Variants in XXYLT1 observed in about 807,000 individuals in gnomAD.
XXYLT1 encodes xyloside xylosyltransferase 1.
Under a neutral mutation model 28.9 loss-of-function variants are expected in XXYLT1, and 20 were observed. The ratio of observed to expected loss-of-function variants is 0.69; its 90% CI spans 0.49 to 1.00. XXYLT1 has a LOEUF of 1.00. Among genes scored for constraint, XXYLT1 ranks in the 50% least tolerant of loss-of-function variants. The pLI is 0.00. For synonymous variants in XXYLT1, 257 were observed against 253.8 expected (o/e 1.01, Z -0.12); for missense variants, 542 against 560.1 (o/e 0.97, Z 0.33).
Position 195,270,864 on chromosome 3 carries a change from C to A in XXYLT1, c.195G>T (p.Ala65=), listed in dbSNP as rs1261628711. The A allele has an allele frequency of 4.3e-6, 6 of 1,402,166 alleles. No homozygotes were observed. The East Asian group carries it at 1.9e-4, about 43-fold the overall frequency. 86.9% of individuals were successfully genotyped at this position (1,402,166 alleles called of 1,614,324 possible). The change falls in exon 1 of 4, where the codon GCG becomes GCT. Residue 65 remains alanine, a synonymous_variant. Coordinates refer to ENST00000310380, the MANE Select transcript of XXYLT1 (RefSeq NM_152531.5). The part of the protein sequence containing the change: ...LKEARAGAPA[A]PSPPALELAR... Reference sequence around the variant, plus strand: ...CTAGCTCCAGCGCGGGCGGCGAGGGCGCGGCGGGAGCCCCGGCGCGGGCCT... The same window carrying A: ...CTAGCTCCAGCGCGGGCGGCGAGGGAGCGGCGGGAGCCCCGGCGCGGGCCT...
chr3:195,070,116 GGA>G lies in XXYLT1; in HGVS notation c.786-7_786-6del, dbSNP rs771616531. ...CGGAACTGCCAGAATGTGTGCCTGT[GGA>G]GAGAGAGGACAGAGTTAGTCCGGTG... On this transcript the variant is annotated splice_polypyrimidine_tract_variant and splice_region_variant and intron_variant, in intron 3 of 3. Coordinates refer to ENST00000310380, the MANE Select transcript of XXYLT1 (RefSeq NM_152531.5). 1.9e-6 allele frequency: 3 copies of G among 1,549,946 alleles called. No individual in the cohort carries two copies. The highest frequency in any genetic ancestry group is 2.6e-6 in the Non-Finnish European group (3 of 1,155,478).
intron 1 of XXYLT1, among the ~76,000 whole-genome samples, chr3:195,227,641 T>C (rs1724114777): frequency 6.6e-6 from 1 of 152,072 alleles, no homozygotes; most frequent in African/African-American, 2.4e-5. Flanking sequence ...TATTATAGCC[T>C]CCAAATTACA....
chr3:195,161,563 T>C (rs1720871130), intron 2 of XXYLT1, among the ~76,000 whole-genome samples: 1 of 152,080 alleles, frequency 6.6e-6, no homozygotes, highest in African/African-American at 2.4e-5. Context: ...GAGAAACTTC[T>C]GGAAGAAAGG....
At chr3:195,212,107 G>A (rs1049322898) in intron 2 of XXYLT1, among the ~76,000 whole-genome samples, 1 of 132,300 alleles carries the variant, frequency 7.6e-6, no homozygotes, top group Non-Finnish European at 1.6e-5. Flanking sequence ...AGATCTGGAG[G>A]AGGAGAGGGG....
At chr3:195,137,007 C>T (rs1719233441) in intron 3 of XXYLT1, among the ~76,000 whole-genome samples, 1 of 152,152 alleles carries the variant, frequency 6.6e-6, no homozygotes, top group Non-Finnish European at 1.5e-5. Flanking sequence ...GATTACACTG[C>T]AACTCGTTCG....
chr3:195,110,855 A>G (rs62290323), intron 3 of XXYLT1, among the ~76,000 whole-genome samples: 60,105 of 96,578 alleles, frequency 0.62, 18,034 homozygotes, highest in Middle Eastern at 0.73. Context: ...TGTGTGTTGT[A>G]TAAGTGTGTG....
intron 3 of XXYLT1, among the ~76,000 whole-genome samples, chr3:195,116,802 G>A (rs1718065653): frequency 6.6e-6 from 1 of 152,186 alleles, no homozygotes; most frequent in African/African-American, 2.4e-5. Context: ...GACCCAGAAA[G>A]CCTTGTTCTC....
chr3:195,193,286 T>TAAAA (rs57822506), intron 2 of XXYLT1, among the ~76,000 whole-genome samples: 2 of 111,026 alleles, frequency 1.8e-5, no homozygotes, highest in African/African-American at 6.6e-5. Context: ...AGACTCCGTC[T>TAAAA]AAAAAAAAAA....
At chr3:195,259,632 G>A in intron 1 of XXYLT1, 1 of 985,472 alleles carries the variant, frequency 1.0e-6, no homozygotes, top group Non-Finnish European at 1.2e-6. Flanking sequence ...CGACAGGCCT[G>A]TAAGGTGGCA....
At chr3:195,177,301 T>C (rs112908966) in intron 2 of XXYLT1, among the ~76,000 whole-genome samples, 2,930 of 152,304 alleles carry the variant, frequency 0.019, 98 homozygotes, top group African/African-American at 0.067. Flanking sequence ...CTTTTATCCC[T>C]GGCCTCCAGA....
At chr3:195,258,723 T>C (rs1241842622) in intron 1 of XXYLT1, among the ~76,000 whole-genome samples, 9 of 152,178 alleles carry the variant, frequency 5.9e-5, no homozygotes, top group African/African-American at 2.2e-4. Flanking sequence ...AGAGAAAGTG[T>C]GGATGCCCCT....
chr3:195,169,536 C>T (rs1176403650), intron 2 of XXYLT1, among the ~76,000 whole-genome samples: 1 of 152,186 alleles, frequency 6.6e-6, no homozygotes, highest in Non-Finnish European at 1.5e-5. Flanking sequence ...AGATGGTCCC[C>T]GCCACAATGC....
intron 2 of XXYLT1, among the ~76,000 whole-genome samples, chr3:195,158,619 C>T (rs1720720541): frequency 6.6e-6 from 1 of 152,210 alleles, no homozygotes; most frequent in South Asian, 2.1e-4. Flanking sequence ...GGTCCACCGA[C>T]TAGGAAGGAG....
intron 3 of XXYLT1, among the ~76,000 whole-genome samples, chr3:195,147,486 C>T (rs1719921876): frequency 1.3e-5 from 2 of 152,202 alleles, no homozygotes; most frequent in Non-Finnish European, 2.9e-5. Context: ...AGGAGAATCG[C>T]TTGAACCCGG....
Position 195,129,229 on chromosome 3 carries a change from T to TC in XXYLT1, c.785+27219_785+27220insG. ...CAACCTCCTGCCCTCTCTCTCTCTC[T>TC]TTTTTTGGTAACAGCTTTCTTGACA... is the stretch of plus-strand genomic sequence containing the variant. On this transcript the variant is annotated intron_variant, in intron 3 of 3. Transcript: ENST00000310380. The surrounding 1 kb of genome is among the most constrained non-coding windows in gnomAD (Gnocchi z 4.4). Among the ~76,000 whole-genome samples the TC allele has an allele frequency of 6.6e-6, 1 of 152,066 alleles. No homozygotes were observed. The highest frequency in any genetic ancestry group is 1.5e-5 in the Non-Finnish European group (1 of 67,996).
intron 2 of XXYLT1, among the ~76,000 whole-genome samples, chr3:195,226,470 C>T (rs1323414853): frequency 6.6e-6 from 1 of 151,980 alleles, no homozygotes; most frequent in African/African-American, 2.4e-5. Context: ...AGACCAGAGC[C>T]CAGAGACCCC....
rs59776180 is a variant in XXYLT1 at position 195,078,337 on chromosome 3, C to T, written c.786-8226G>A. On this transcript the variant is annotated intron_variant, in intron 3 of 3. Coordinates refer to ENST00000310380, the MANE Select transcript of XXYLT1 (RefSeq NM_152531.5). This position sits in a 1 kb window ranked among gnomAD's most constrained non-coding sequence, Gnocchi z 5.0. ...GCGTTGGAGGACCCCGGCCACCTGT[C>T]CCTCACACTGACAGCCGAGAGGCCC... is the stretch of plus-strand genomic sequence containing the variant. Among the ~76,000 whole-genome samples the T allele has an allele frequency of 0.025, 3,754 of 152,164 alleles. 140 individuals carry two copies. The highest frequency in any genetic ancestry group is 0.086 in the African/African-American group (3,566 of 41,490).
chr3:195,165,914 C>G (rs1228376753), intron 2 of XXYLT1, among the ~76,000 whole-genome samples: 1 of 152,170 alleles, frequency 6.6e-6, no homozygotes, highest in African/African-American at 2.4e-5. Context: ...TCCTCACACA[C>G]AGGGCTTACT....
chr3:195,171,936 G>T (rs900786928), intron 2 of XXYLT1, among the ~76,000 whole-genome samples: 7 of 152,196 alleles, frequency 4.6e-5, no homozygotes, highest in Non-Finnish European at 1.0e-4. Flanking sequence ...AATCTTAAAA[G>T]AATTCCCAAG....
Sources: gnomAD v4.1 joint callset for allele counts (sites outside exome capture counted in the v4.1 genomes callset) on GRCh38, gnomAD v4.1.1 for gene constraint, Gnocchi (gnomAD v3.1) non-coding constraint, MANE v1.5 for transcripts, NCBI Gene and HGNC (gene_info 2026-07-23, HGNC 2026-07-21) for gene names.